KYNU: variants seen among roughly 807,000 people sequenced by gnomAD.
The protein encoded by KYNU is L-kynurenine hydrolase.
Under a neutral mutation model 59.2 loss-of-function variants are expected in KYNU, and 54 were observed. The observed-to-expected ratio is 0.91, with a 90% confidence interval of 0.73 to 1.14. The LOEUF is 1.14. Ranked by LOEUF, KYNU falls within the 50% of genes most tolerant of loss-of-function variation. KYNU has a pLI of 0.00. For synonymous variants in KYNU, 177 were observed against 192.0 expected, an observed-to-expected ratio of 0.92 and a Z score of 0.65; for missense variants, 567 against 554.4, an observed-to-expected ratio of 1.02 and a Z score of -0.23.
intron 8 of KYNU, among the ~76,000 whole-genome samples, chr2:142,981,125 G>A (rs1265108738): frequency 6.6e-6 from 1 of 152,132 alleles, no homozygotes; most frequent in African/African-American, 2.4e-5. Flanking sequence ...TAAACATAGT[G>A]TAGAAGTCAT....
chr2:142,901,052 CAAAAA>C (rs34574070), intron 2 of KYNU, among the ~76,000 whole-genome samples: 1 of 116,504 alleles, frequency 8.6e-6, no homozygotes. Flanking sequence ...GACTCCATCT[CAAAAA>C]AAAAAAAAAA....
intron 11 of KYNU, 119 bp downstream of exon 11, chr2:143,029,798 T>C: frequency 1.5e-6 from 1 of 682,808 alleles, no homozygotes; most frequent in Admixed American, 2.3e-5. Context: ...AAAATGTCAC[T>C]GAGAATTCTC....
chr2:142,999,863 A>G (rs934087209), intron 10 of KYNU, among the ~76,000 whole-genome samples: 1 of 152,096 alleles, frequency 6.6e-6, no homozygotes, highest in African/African-American at 2.4e-5. Flanking sequence ...ATCCACTTAA[A>G]TGATTAAATT....
intron 10 of KYNU, among the ~76,000 whole-genome samples, chr2:143,019,950 G>A (rs1686361169): frequency 1.3e-5 from 2 of 151,642 alleles, no homozygotes; most frequent in South Asian, 4.2e-4. Flanking sequence ...ATTATCCTTT[G>A]TATTTCTGTG....
intron 8 of KYNU, among the ~76,000 whole-genome samples, chr2:142,961,770 A>G (rs1684359182): frequency 6.6e-6 from 1 of 152,194 alleles, no homozygotes; most frequent in Non-Finnish European, 1.5e-5. Context: ...GGCAACATTC[A>G]ACAGTCACAA....
At chr2:143,005,459 T>C (rs1218482774) in intron 10 of KYNU, among the ~76,000 whole-genome samples, 1 of 149,764 alleles carries the variant, frequency 6.7e-6, no homozygotes, top group Non-Finnish European at 1.5e-5. Flanking sequence ...AGTCTGGCCC[T>C]TTTTGTCAAC....
intron 10 of KYNU, among the ~76,000 whole-genome samples, chr2:142,990,481 G>A (rs1176426135): frequency 3.3e-5 from 5 of 151,768 alleles, no homozygotes; most frequent in Admixed American, 1.3e-4. Flanking sequence ...CATACATTGC[G>A]ATTTAAGATA....
chr2:142,900,047 T>C (rs1349689543), intron 2 of KYNU, among the ~76,000 whole-genome samples: 1 of 152,114 alleles, frequency 6.6e-6, no homozygotes, highest in Non-Finnish European at 1.5e-5. Flanking sequence ...AAGAATGGAA[T>C]CTTGGGCCAT....
At chr2:142,985,916 A>G (rs1382868710) in intron 9 of KYNU, 32 bp from the exon 10 acceptor site, 1 of 1,443,174 alleles carries the variant, frequency 6.9e-7, no homozygotes, top group African/African-American at 1.4e-5. Flanking sequence ...TATTTAAGTA[A>G]ACCCACATAA....
rs895444510 is a variant in KYNU at position 142,877,729 on chromosome 2, C to A, written c.-27C>A. On this transcript the variant is annotated 5_prime_UTR_variant, in exon 1 of 14. Coordinates refer to ENST00000264170, the MANE Select transcript of KYNU (RefSeq NM_003937.3). Reference sequence around the variant, plus strand: ...TGGGAGCCAAACACTCCATTGGGATCCTAGCTGGTAAGCTTGAGGCGCTGA... The same window carrying A: ...TGGGAGCCAAACACTCCATTGGGATACTAGCTGGTAAGCTTGAGGCGCTGA... 2 of 152,170 alleles carry A rather than the reference C, an allele frequency of 1.3e-5. No individual in the cohort carries two copies. The highest frequency in any genetic ancestry group is 4.8e-5 in the African/African-American group (2 of 41,444). The allele number at this position is 152,170 out of a possible 1,614,324, so 9.4% of individuals were successfully genotyped here.
At chr2:142,887,725 A>T (rs1558901677) in intron 2 of KYNU, among the ~76,000 whole-genome samples, 2 of 152,162 alleles carry the variant, frequency 1.3e-5, no homozygotes, top group Non-Finnish European at 2.9e-5. Flanking sequence ...ATTCATAAAA[A>T]CCAAGTAGAA....
chr2:143,041,383 C>T (rs1282521435), intron 13 of KYNU, among the ~76,000 whole-genome samples: 1 of 152,086 alleles, frequency 6.6e-6, no homozygotes, highest in Admixed American at 6.6e-5. Flanking sequence ...TCGTCAAACT[C>T]TGTCCTCTTT....
At chr2:142,980,024 A>G (rs541675470) in intron 8 of KYNU, among the ~76,000 whole-genome samples, 5 of 152,186 alleles carry the variant, frequency 3.3e-5, no homozygotes, top group South Asian at 4.2e-4. Context: ...CTTGTTATAT[A>G]CTAAACAAGG....
At chr2:143,006,769 C>T (rs533920209) in intron 10 of KYNU, among the ~76,000 whole-genome samples, 152 of 151,984 alleles carry the variant, frequency 1.0e-3, no homozygotes, top group African/African-American at 3.3e-3. Context: ...AGCAGCCTAA[C>T]TGGGAGGCAC....
chr2:143,027,008 G>A (rs1573912101), intron 10 of KYNU, among the ~76,000 whole-genome samples: 1 of 152,264 alleles, frequency 6.6e-6, no homozygotes, highest in Admixed American at 6.5e-5. Flanking sequence ...AGTGGTTTAG[G>A]AAAAAGCAAC....
intron 10 of KYNU, among the ~76,000 whole-genome samples, chr2:142,994,937 G>A (rs1173609857): frequency 2.0e-5 from 3 of 151,958 alleles, no homozygotes; most frequent in East Asian, 1.9e-4. Context: ...CTTCTATGAA[G>A]ACCAAATATA....
intron 5 of KYNU, 62 bp downstream of exon 5, chr2:142,954,933 A>G (rs1684114838): frequency 9.4e-7 from 1 of 1,065,778 alleles, no homozygotes; most frequent in Non-Finnish European, 1.5e-6. Context: ...ATGTTTTTCT[A>G]TCTTTAATTC....
At chr2:142,969,174 A>G (rs1479781804) in intron 8 of KYNU, among the ~76,000 whole-genome samples, 2 of 152,194 alleles carry the variant, frequency 1.3e-5, no homozygotes, top group African/African-American at 4.8e-5. Context: ...TGTTAAATAC[A>G]CACAAACACA....
At chr2:142,892,192 C>A (rs1415869419) in intron 2 of KYNU, among the ~76,000 whole-genome samples, 1 of 152,210 alleles carries the variant, frequency 6.6e-6, no homozygotes, top group African/African-American at 2.4e-5. Flanking sequence ...GGATTACAGG[C>A]GTCAGCCGCC....
Sources: gnomAD v4.1 joint callset for allele counts (sites outside exome capture counted in the v4.1 genomes callset) on GRCh38, gnomAD v4.1.1 for gene constraint, MANE v1.5 for transcripts, NCBI Gene and HGNC (gene_info 2026-07-23, HGNC 2026-07-21) for gene names.